The following SBSPON variants were observed in gnomAD, a reference collection of about 807,000 sequenced individuals.
The protein encoded by SBSPON is somatomedin B and thrombospondin type 1 domain containing, also known as somatomedin-B and thrombospondin type-1 domain-containing protein.
A neutral mutation model predicts 35.8 loss-of-function variants in SBSPON; 30 were observed. The ratio of observed to expected loss-of-function variants is 0.84; its 90% CI spans 0.63 to 1.14. SBSPON has a LOEUF of 1.14. Ranked by LOEUF, SBSPON falls within the 50% of genes most tolerant of loss-of-function variation. The pLI is 0.00. For missense variants in SBSPON, 364 were observed against 357.7 expected, an observed-to-expected ratio of 1.02 and a Z score of -0.14; for synonymous variants, 136 against 135.9, an observed-to-expected ratio of 1.00 and a Z score of 0.00.
chr8:73,088,502 G>A (rs946022161), intron 1 of SBSPON, among the ~76,000 whole-genome samples: 3 of 152,132 alleles, frequency 2.0e-5, no homozygotes, highest in African/African-American at 7.2e-5. Flanking sequence ...GGGCAACATG[G>A]GGAAACTTCG....
chr8:73,077,001 G>A (rs914383442), intron 2 of SBSPON, among the ~76,000 whole-genome samples: 4 of 152,138 alleles, frequency 2.6e-5, no homozygotes, highest in African/African-American at 7.2e-5. Flanking sequence ...CCACCTCCCA[G>A]GTTCAAGCAA....
At chr8:73,067,761 C>G (rs989438792) in intron 4 of SBSPON, among the ~76,000 whole-genome samples, 2 of 54,552 alleles carry the variant, frequency 3.7e-5, no homozygotes, top group African/African-American at 1.4e-4. Context: ...AAGCTGATCT[C>G]AAACTCCTGG....
At chr8:73,088,490 T>C (rs1467955310) in intron 1 of SBSPON, among the ~76,000 whole-genome samples, 2 of 152,074 alleles carry the variant, frequency 1.3e-5, no homozygotes, top group African/African-American at 4.8e-5. Flanking sequence ...GGAGACCAGC[T>C]TGGGCAACAT....
rs1810402459 is a variant in SBSPON at position 73,067,033 on chromosome 8, T to G, written c.*308A>C. ...AATAATCGGACTGAGTTACAGTAAT[T>G]TTACTTTAGCAAACAGACATGTATT... On this transcript the variant is annotated 3_prime_UTR_variant, in exon 5 of 5. Transcript: ENST00000297354. 4.5e-6 allele frequency: 1 copy of G among 221,998 alleles called. No individual in the cohort carries two copies. Among genetic ancestry groups the G allele is most frequent in the South Asian group, 1.1e-4 (1 of 9,344 alleles). The allele number at this position is 221,998 out of a possible 1,614,324, so 13.8% of individuals were successfully genotyped here.
intron 1 of SBSPON, among the ~76,000 whole-genome samples, chr8:73,086,089 C>T (rs1810819357): frequency 6.6e-6 from 1 of 152,140 alleles, no homozygotes; most frequent in Non-Finnish European, 1.5e-5. Context: ...AAAAATAAAA[C>T]AGCCCTATTA....
chr8:73,092,722 T>A lies in SBSPON; in HGVS notation c.214+132A>T. On this transcript the variant is annotated intron_variant, in intron 1 of 4. Transcript: ENST00000297354. Reference sequence around the variant, plus strand: ...GCCGGGCGTACCTGGATGGCGGTGGTGGGGATGGGTGGGGATAAAGGGTCT... The same window carrying A: ...GCCGGGCGTACCTGGATGGCGGTGGAGGGGATGGGTGGGGATAAAGGGTCT... 4.6e-6 allele frequency: 3 copies of A among 648,414 alleles called. No individual in the cohort carries two copies. The South Asian group carries it at 5.4e-5, about 12-fold the overall frequency. 40.2% of individuals were successfully genotyped at this position (648,414 alleles called of 1,614,324 possible). A position where few individuals can be genotyped will look rare whatever the true frequency, so the allele number is the denominator to read the frequency against.
intron 1 of SBSPON, among the ~76,000 whole-genome samples, chr8:73,087,402 CTGG>C (rs1356637753): frequency 1.3e-5 from 2 of 152,164 alleles, no homozygotes; most frequent in Non-Finnish European, 2.9e-5. Flanking sequence ...GGGAGAGCGC[CTGG>C]TATGGAGGAA....
At position 73,093,119 on chromosome 8, in the gene SBSPON, T is replaced by A. The variant is rs1207742024; in HGVS notation, c.-52A>T. On this transcript the variant is annotated 5_prime_UTR_variant, in exon 1 of 5. Coordinates refer to ENST00000297354, the MANE Select transcript of SBSPON (RefSeq NM_153225.4). ...CGCGACAGACCCCCGGGGCAAGCGC[T>A]CTGATCCTCGGCTGGCCGCGGCCCG... The A allele has an allele frequency of 3.8e-6, 4 of 1,061,076 alleles. No individual in the cohort carries two copies. The highest frequency in any genetic ancestry group is 4.8e-6 in the Non-Finnish European group (4 of 828,198). 65.7% of individuals were successfully genotyped at this position (1,061,076 alleles called of 1,614,324 possible).
Position 73,069,895 on chromosome 8 carries a change from C to A in SBSPON, c.587G>T (p.Arg196Leu). Residue 196 changes from arginine to leucine, a missense_variant, in exon 4 of 5, where the codon CGA becomes CTA. Transcript: ENST00000297354. ...WPLTRWMQYL[R>L]EGYTVCVDCQ... ...ATCCACACACACCGTGTATCCCTCT[C>A]GGAGATACTGCATCCATCTAGTCAA... is the stretch of plus-strand genomic sequence containing the variant. 1.2e-6 allele frequency: 2 copies of A among 1,612,834 alleles called. No homozygotes were observed. The highest frequency in any genetic ancestry group is 1.7e-6 in the Non-Finnish European group (2 of 1,178,844).
intron 2 of SBSPON, among the ~76,000 whole-genome samples, chr8:73,074,848 T>G (rs1168795216): frequency 3.3e-5 from 5 of 152,210 alleles, no homozygotes; most frequent in Non-Finnish European, 7.3e-5. Flanking sequence ...GTGTATAGCC[T>G]GCTCATTTAC....
At chr8:73,075,305 A>T (rs1161786940) in intron 2 of SBSPON, among the ~76,000 whole-genome samples, 1 of 152,258 alleles carries the variant, frequency 6.6e-6, no homozygotes, top group Non-Finnish European at 1.5e-5. Flanking sequence ...TCTATTGCCA[A>T]GGTCCCTCTC....
intron 1 of SBSPON, chr8:73,083,741 A>G (rs1477950303): frequency 1.3e-5 from 2 of 152,240 alleles, no homozygotes; most frequent in Non-Finnish European, 2.9e-5. Context: ...AATGGAGCCG[A>G]TAGACTGTGG....
At chr8:73,076,099 A>C (rs919515950) in intron 2 of SBSPON, among the ~76,000 whole-genome samples, 2 of 152,146 alleles carry the variant, frequency 1.3e-5, no homozygotes, top group Admixed American at 1.3e-4. Context: ...TTAATAGCAA[A>C]ACACTATTGA....
intron 1 of SBSPON, among the ~76,000 whole-genome samples, chr8:73,082,182 G>A (rs1027055935): frequency 2.6e-5 from 4 of 152,146 alleles, no homozygotes; most frequent in East Asian, 3.8e-4. Context: ...ATGGCGTCAC[G>A]TTTAACTTTC....
At position 73,067,391 on chromosome 8, in the gene SBSPON, G is replaced by A. The variant is rs922677565; in HGVS notation, c.745C>T (p.Arg249Ter). Residue 249 changes from arginine (R) to a stop codon, truncating the protein, a stop_gained, in exon 5 of 5, where the codon CGA becomes TGA. Coordinates refer to ENST00000297354, the MANE Select transcript of SBSPON (RefSeq NM_153225.4). LOFTEE classifies it high-confidence loss of function. ...GCTGGACAAGAACACTGGTCTACTC[G>A]CCGAACTTTTTTCCAAGTTCCTTGA... ...RCQGTWKKVR[R>*]VDQCSCPAVH... 6.8e-6 allele frequency: 11 copies of A among 1,611,290 alleles called. No individual in the cohort carries two copies. Among genetic ancestry groups the A allele is most frequent in the African/African-American group, 4.0e-5 (3 of 74,504 alleles).
intron 3 of SBSPON, among the ~76,000 whole-genome samples, chr8:73,071,444 CCAAA>C (rs916679213): frequency 2.0e-5 from 3 of 152,098 alleles, no homozygotes; most frequent in Non-Finnish European, 2.9e-5. Flanking sequence ...TTCAAATTCA[CCAAA>C]CAGAGGTGGT....
At chr8:73,074,590 AAT>A (rs1810556745) in intron 2 of SBSPON, 2 of 983,660 alleles carry the variant, frequency 2.0e-6, no homozygotes, top group Non-Finnish European at 2.4e-6. Flanking sequence ...CTGCCTCTGT[AAT>A]AATATAGATG....
At chr8:73,083,637 C>T (rs2130027755) in intron 1 of SBSPON, 1 of 152,352 alleles carries the variant, frequency 6.6e-6, no homozygotes, top group East Asian at 1.9e-4. Context: ...CCCTTTCCCA[C>T]TAGCTTATCT....
At chr8:73,088,618 G>A (rs915840239) in intron 1 of SBSPON, among the ~76,000 whole-genome samples, 6 of 152,088 alleles carry the variant, frequency 3.9e-5, no homozygotes, top group African/African-American at 1.4e-4. Context: ...GAAGTGTGGA[G>A]GTTGCAATGA....
Sources: gnomAD v4.1 joint callset for allele counts (sites outside exome capture counted in the v4.1 genomes callset) on GRCh38, gnomAD v4.1.1 for gene constraint, MANE v1.5 for transcripts, NCBI Gene and HGNC (gene_info 2026-07-23, HGNC 2026-07-21) for gene names.